Variants in ARHGAP45 observed in about 807,000 individuals in gnomAD.
ARHGAP45 encodes rho GTPase-activating protein 45.
ARHGAP45 carries 56 observed loss-of-function variants against 116.1 expected under a neutral mutation model. The ratio of observed to expected loss-of-function variants is 0.48; its 90% CI spans 0.39 to 0.60. The LOEUF is 0.60. ARHGAP45 is among the 20% of genes least tolerant of loss of function. The pLI is 0.00. For missense variants in ARHGAP45, 1,622 were observed against 1,601.0 expected (o/e 1.01, Z -0.22); for synonymous variants, 866 against 701.7 (o/e 1.23, Z -3.70).
In ARHGAP45 at chr19:1,074,598, G is replaced by A. The variant is rs111831177; in HGVS notation, c.994-16G>A. Reference sequence around the variant, plus strand: ...TCCATCCCTCCCCACCCAGTGAGCCGGTGCCCCACCCACAGCCCCACATGC... The same window carrying A: ...TCCATCCCTCCCCACCCAGTGAGCCAGTGCCCCACCCACAGCCCCACATGC... On this transcript the variant is annotated splice_polypyrimidine_tract_variant and intron_variant, in intron 8 of 22. Transcript: ENST00000313093. The A allele has an allele frequency of 4.8e-3, 7,422 of 1,540,928 alleles. 308 individuals carry two copies. In the African/African-American group the frequency reaches 0.087, roughly 18 times the overall value.
At position 1,067,258 on chromosome 19, in the gene ARHGAP45, C is replaced by G; in HGVS notation, c.-148C>G. On this transcript the variant is annotated 5_prime_UTR_variant, in exon 1 of 23. Coordinates refer to ENST00000313093, the MANE Select transcript of ARHGAP45 (RefSeq NM_012292.5). Reference sequence around the variant, plus strand: ...AGCCTTTTCCTGTTGGGGGGAGGGCCCGCCAGTGACGGCCGGGCCTGTCAC... The same window carrying G: ...AGCCTTTTCCTGTTGGGGGGAGGGCGCGCCAGTGACGGCCGGGCCTGTCAC... The G allele has an allele frequency of 7.2e-7, 1 of 1,388,850 alleles. No individual in the cohort carries two copies. Among genetic ancestry groups the G allele is most frequent in the Non-Finnish European group, 9.3e-7 (1 of 1,074,204 alleles). The allele number at this position is 1,388,850 out of a possible 1,614,324, so 86.0% of individuals were successfully genotyped here. A position where few individuals can be genotyped will look rare whatever the true frequency, so the allele number is the denominator to read the frequency against.
chr19:1,082,777 G>T, intron 19 of ARHGAP45, 63 bp from the exon 20 acceptor site: 1 of 1,363,872 alleles, frequency 7.3e-7, no homozygotes, highest in East Asian at 2.6e-5. Flanking sequence ...CTGGGGGCGT[G>T]GCAGGCACAC....
In ARHGAP45 at chr19:1,067,365, C is replaced by A. The variant is rs879574866; in HGVS notation, c.-41C>A. On this transcript the variant is annotated 5_prime_UTR_variant, in exon 1 of 23. Transcript: ENST00000313093. ...AGCGCCGGGAGCTGCAGCGCTGAGA[C>A]CCCCAGCCCGCCCCCTCGGGCTCCC... 4 of 1,528,988 alleles carry A rather than the reference C, an allele frequency of 2.6e-6. No individual in the cohort carries two copies. The highest frequency in any genetic ancestry group is 1.4e-5 in the African/African-American group (1 of 70,974). 94.7% of individuals were successfully genotyped at this position (1,528,988 alleles called of 1,614,324 possible).
In ARHGAP45 at chr19:1,080,583, C is replaced by T. The variant is rs781455443; in HGVS notation, c.1912+36C>T. The T allele has an allele frequency of 9.3e-6, 15 of 1,608,324 alleles. No individual in the cohort carries two copies. The South Asian group carries it at 1.4e-4, about 15-fold the overall frequency. On this transcript the variant is annotated intron_variant, in intron 15 of 22. Transcript: ENST00000313093. ...CTCTCTGGCGGGCTGGGGTGTGGAG[C>T]TGCCTCCTCTCCTGAGCCTCAGGGT...
Position 1,084,276 on chromosome 19 carries a change from G to C in ARHGAP45, c.2994G>C (p.Gln998His). The change falls in exon 22 of 23, where the codon CAG becomes CAC. Residue 998 changes from glutamine to histidine, a missense_variant. This residue lies in a region of ARHGAP45 where 1,334 missense variants were observed against 1,263.8 expected (regional missense o/e 1.06). Transcript: ENST00000313093. ...ACCAGCGAGCTGAGGTAGTCGTCCAGGTGCCGTACCTGGAGGCGGGCGAGG... is the reference window on the plus strand; with the variant it reads ...ACCAGCGAGCTGAGGTAGTCGTCCACGTGCCGTACCTGGAGGCGGGCGAGG... ...SSNQRAEVVV[Q>H]VPYLEAGEAV... The C allele has an allele frequency of 1.2e-6, 2 of 1,613,450 alleles. No homozygotes were observed. The highest frequency in any genetic ancestry group is 1.7e-6 in the Non-Finnish European group (2 of 1,179,822).
chr19:1,070,726 C>T (rs2043124767), intron 2 of ARHGAP45, among the ~76,000 whole-genome samples: 1 of 152,060 alleles, frequency 6.6e-6, no homozygotes, highest in South Asian at 2.1e-4. Flanking sequence ...AAAAACCGTT[C>T]TCCCGGCTCC....
intron 10 of ARHGAP45, chr19:1,077,023 C>T (rs1162944519): frequency 2.0e-6 from 2 of 985,232 alleles, no homozygotes; most frequent in East Asian, 2.3e-4. Context: ...CCCATGGCGC[C>T]TGGCGGTCTC....
At chr19:1,073,772 T>G (rs777426631) in intron 5 of ARHGAP45, 26 bp downstream of exon 5, 2 of 1,564,510 alleles carry the variant, frequency 1.3e-6, no homozygotes, top group South Asian at 2.3e-5. Context: ...CAGGGCCACC[T>G]GTGTCCAGCT....
chr19:1,080,125 C>T lies in ARHGAP45; in HGVS notation c.1703+7C>T. On this transcript the variant is annotated splice_region_variant and intron_variant, in intron 13 of 22. Transcript: ENST00000313093. ...ACGTCTCCGCCAACGCCTGGTACCGCCACCCAGCTGCCCTGTCCCCGGCGC... is the reference window on the plus strand; with the variant it reads ...ACGTCTCCGCCAACGCCTGGTACCGTCACCCAGCTGCCCTGTCCCCGGCGC... The T allele has an allele frequency of 6.2e-7, 1 of 1,611,248 alleles. No individual in the cohort carries two copies. Among genetic ancestry groups the T allele is most frequent in the Non-Finnish European group, 8.5e-7 (1 of 1,179,100 alleles).
chr19:1,082,059 T>G, intron 19 of ARHGAP45, 98 bp downstream of exon 19: 9 of 643,136 alleles, frequency 1.4e-5, no homozygotes, highest in Middle Eastern at 7.3e-4. Flanking sequence ...AGGACTGAGC[T>G]GGAGCAGGAC....
At chr19:1,084,819 C>T (rs571581598) in intron 22 of ARHGAP45, among the ~76,000 whole-genome samples, 1 of 152,244 alleles carries the variant, frequency 6.6e-6, no homozygotes, top group African/African-American at 2.4e-5. Context: ...GGCACGGTGG[C>T]TCACGCCTGT....
intron 21 of ARHGAP45, 47 bp from the exon 22 acceptor site, chr19:1,084,191 G>T (rs367836520): frequency 7.7e-6 from 12 of 1,550,260 alleles, no homozygotes; most frequent in Non-Finnish European, 1.1e-5. Flanking sequence ...TTATAACATG[G>T]AAAATGGAGC....
In ARHGAP45 at chr19:1,068,763, C is replaced by T; in HGVS notation, c.421+19C>T. On this transcript the variant is annotated intron_variant, in intron 2 of 22. Coordinates refer to ENST00000313093, the MANE Select transcript of ARHGAP45 (RefSeq NM_012292.5). This position sits in a 1 kb window ranked among gnomAD's most constrained non-coding sequence, Gnocchi z 7.5. ...CGTGACGGTGAGAGCCACGGGGACA[C>T]CGAGGCCTGGGTGGAAGACAGAGCC... The T allele has an allele frequency of 6.2e-7, 1 of 1,604,890 alleles. No homozygotes were observed.
intron 5 of ARHGAP45, 52 bp from the exon 6 acceptor site, chr19:1,073,896 A>C: frequency 6.5e-7 from 1 of 1,529,866 alleles, no homozygotes; most frequent in Non-Finnish European, 8.8e-7. Context: ...AAGGGTGGGC[A>C]CTGCCCAGGG....
Position 1,080,950 on chromosome 19 carries a change from C to T in ARHGAP45, c.2076C>T (p.Arg692=), listed in dbSNP as rs1166505770. ...TGGCCGTGCCCAGTGGACCGTTCCG[C>T]CACGAGGGGCTGTCCAAGGCGGCCC... ...LPVAVPSGPF[R]HEGLSKAART... is the part of the protein sequence containing the mutation. Residue 692 remains arginine (R), a synonymous_variant, in exon 17 of 23, where the codon CGC becomes CGT. Coordinates refer to ENST00000313093, the MANE Select transcript of ARHGAP45 (RefSeq NM_012292.5). 5 of 1,609,502 alleles carry T rather than the reference C, an allele frequency of 3.1e-6. No homozygotes were observed. The highest frequency in any genetic ancestry group is 4.2e-6 in the Non-Finnish European group (5 of 1,178,566).
intron 2 of ARHGAP45, among the ~76,000 whole-genome samples, chr19:1,070,772 C>T (rs1329778005): frequency 6.6e-6 from 1 of 152,074 alleles, no homozygotes; most frequent in African/African-American, 2.4e-5. Flanking sequence ...GCCTGATCCA[C>T]CGCGCCCGGC....
At position 1,069,856 on chromosome 19, in the gene ARHGAP45, G is replaced by A. The variant is rs1242748439; in HGVS notation, c.421+1112G>A. 3.5e-5 allele frequency among the ~76,000 whole-genome samples: 5 copies of A among 142,020 alleles called. No individual in the cohort carries two copies. In the Admixed American group the frequency reaches 3.8e-4, roughly 11 times the overall value. 93.2% of individuals were successfully genotyped at this position (142,020 alleles called of 152,430 possible). ...TTTTGATACAGGGTCTTGCTCTGTT[G>A]CCCAGGCTGGAGTCCAGTGGTGTGA... On this transcript the variant is annotated intron_variant, in intron 2 of 22. Transcript: ENST00000313093. This position sits in a 1 kb window ranked among gnomAD's most constrained non-coding sequence, Gnocchi z 4.1.
rs937431187 is a variant in ARHGAP45 at position 1,071,314 on chromosome 19, C to T, written c.422-1835C>T. ...ATGTGTATCTGCGGGACGGCGCACC[C>T]GGTGCTGGACGAGGGCCCCGTGCGC... On this transcript the variant is annotated intron_variant, in intron 2 of 22. Coordinates refer to ENST00000313093, the MANE Select transcript of ARHGAP45 (RefSeq NM_012292.5). The surrounding 1 kb of genome is among the most constrained non-coding windows in gnomAD (Gnocchi z 4.6). The T allele has an allele frequency of 2.3e-5, 33 of 1,432,448 alleles. No individual in the cohort carries two copies. Among genetic ancestry groups the T allele is most frequent in the Non-Finnish European group, 2.8e-5 (31 of 1,099,988 alleles). The allele number at this position is 1,432,448 out of a possible 1,614,324, so 88.7% of individuals were successfully genotyped here. A position where few individuals can be genotyped will look rare whatever the true frequency, so the allele number is the denominator to read the frequency against.
At chr19:1,076,481 GTCTT>G (rs2043251118) in intron 10 of ARHGAP45, among the ~76,000 whole-genome samples, 1 of 104,174 alleles carries the variant, frequency 9.6e-6, no homozygotes, top group African/African-American at 3.9e-5. Context: ...GTTGGCAGTA[GTCTT>G]TTTTTTTTTT....
Sources: gnomAD v4.1 joint callset for allele counts (sites outside exome capture counted in the v4.1 genomes callset) on GRCh38, gnomAD v4.1.1 for gene constraint, gnomAD v4.1.1 regional missense constraint, Gnocchi (gnomAD v3.1) non-coding constraint, MANE v1.5 for transcripts, NCBI Gene and HGNC (gene_info 2026-07-23, HGNC 2026-07-21) for gene names.